NAV3: variants seen among roughly 807,000 people sequenced by gnomAD.
NAV3 encodes neuron navigator 3.
Under a neutral mutation model 244.7 loss-of-function variants are expected in NAV3, and 87 were observed. That is an observed-to-expected ratio of 0.36 (90% CI 0.30 to 0.42). NAV3 has a LOEUF of 0.42. Ranked by LOEUF, NAV3 falls within the 20% of genes least tolerant of loss-of-function variation. NAV3 has a pLI of 1.00. For synonymous variants in NAV3, 1,126 were observed against 1,042.2 expected (o/e 1.08, Z -1.55); for missense variants, 2,663 against 2,893.3 (o/e 0.92, Z 1.83).
intron 2 of NAV3, among the ~76,000 whole-genome samples, chr12:77,806,719 C>T (rs796488554): frequency 9.9e-5 from 15 of 152,166 alleles, no homozygotes; most frequent in African/African-American, 3.6e-4. Context: ...CCTGAATATC[C>T]TTGTTAATTT....
chr12:77,843,154 C>T (rs956840327), intron 1 of NAV3, among the ~76,000 whole-genome samples: 1 of 152,084 alleles, frequency 6.6e-6, no homozygotes, highest in Non-Finnish European at 1.5e-5. Context: ...GCTTTTTATA[C>T]TATTTCTTCC....
chr12:77,685,509 A>ACACACACACC (rs1358509450), intron 2 of NAV3, among the ~76,000 whole-genome samples: 1 of 150,576 alleles, frequency 6.6e-6, no homozygotes, highest in African/African-American at 2.4e-5. Flanking sequence ...ACACACACAT[A>ACACACACACC]CCCACACGCA....
At position 77,791,190 on chromosome 12, in the gene NAV3, C is replaced by T. The variant is rs1871158945; in HGVS notation, c.73-149129C>T. ...CCAATATGGTGAAACCCCGTCTCTA[C>T]TAAAAATACAAAAATTAGCCAGGCA... On this transcript the variant is annotated intron_variant, in intron 2 of 8. Coordinates refer to the NAV3 transcript ENST00000550042. 2.0e-5 allele frequency among the ~76,000 whole-genome samples: 3 copies of T among 151,956 alleles called. No individual in the cohort carries two copies. The South Asian group carries it at 6.2e-4, about 32-fold the overall frequency.
chr12:78,090,218 A>C (rs1036278652), intron 12 of NAV3, among the ~76,000 whole-genome samples: 2 of 148,142 alleles, frequency 1.4e-5, no homozygotes, highest in African/African-American at 4.9e-5. Context: ...TGAATTATAC[A>C]TATATAAAGT....
At chr12:77,797,260 G>A (rs1474450432) in intron 2 of NAV3, among the ~76,000 whole-genome samples, 1 of 152,040 alleles carries the variant, frequency 6.6e-6, no homozygotes, top group Non-Finnish European at 1.5e-5. Flanking sequence ...AGCTCAAATT[G>A]CCCAGCTACC....
chr12:77,903,552 C>T (rs1395565815), intron 1 of NAV3, among the ~76,000 whole-genome samples: 11 of 152,132 alleles, frequency 7.2e-5, no homozygotes, highest in Admixed American at 7.2e-4. Flanking sequence ...TAGAAGAAAA[C>T]CTAGGCAACA....
intron 33 of NAV3, 75 bp downstream of exon 33, chr12:78,188,852 G>A (rs2139860020): frequency 7.0e-7 from 1 of 1,419,480 alleles, no homozygotes; most frequent in East Asian, 2.3e-5. Flanking sequence ...GCCCCTTTTT[G>A]GCCAGTTTCC....
At chr12:77,716,269 TA>T (rs1241735357) in intron 2 of NAV3, among the ~76,000 whole-genome samples, 2 of 151,162 alleles carry the variant, frequency 1.3e-5, no homozygotes, top group African/African-American at 4.9e-5. Flanking sequence ...TCCAGAAAAG[TA>T]ATAGCAAGTT....
At chr12:77,633,847 A>G (rs1206021627) in intron 2 of NAV3, among the ~76,000 whole-genome samples, 1 of 152,136 alleles carries the variant, frequency 6.6e-6, no homozygotes, top group Non-Finnish European at 1.5e-5. Context: ...GCTAATTAAA[A>G]TTGCATCGAA....
At chr12:77,873,744 G>GTGTGTGTGTGTATATATATATATATA (rs776225440) in intron 1 of NAV3, among the ~76,000 whole-genome samples, 3 of 73,176 alleles carry the variant, frequency 4.1e-5, no homozygotes, top group Non-Finnish European at 8.7e-5. Context: ...ATGTGTGTGT[G>GTGTGTGTGTGTATATATATATATATA]TATATATATA....
At chr12:78,019,220 TG>T (rs1416250711) in intron 8 of NAV3, among the ~76,000 whole-genome samples, 7 of 152,278 alleles carry the variant, frequency 4.6e-5, no homozygotes, top group African/African-American at 1.7e-4. Flanking sequence ...TGATTAGTGA[TG>T]GGGTCAAGTT....
Position 78,103,469 on chromosome 12 carries a change from G to T in NAV3, c.2637-13303G>T, listed in dbSNP as rs181978149. ...TGTCTTCTTCTGAGCCCTCCAAATT[G>T]TTCCAGCCTCTGCCTGATACACAGT... is the stretch of plus-strand genomic sequence containing the variant. On this transcript the variant is annotated intron_variant, in intron 12 of 39. Transcript: ENST00000397909. Among the ~76,000 whole-genome samples, 135 of 152,194 alleles carry T rather than the reference G, an allele frequency of 8.9e-4. 1 individual carries two copies. Among genetic ancestry groups the T allele is most frequent in the African/African-American group, 2.5e-3 (105 of 41,518 alleles).
At chr12:78,036,812 G>A in intron 9 of NAV3, 1 of 630,074 alleles carries the variant, frequency 1.6e-6, no homozygotes, top group East Asian at 2.7e-5. Context: ...CAATCACAGT[G>A]TAACAAGACA....
At chr12:77,933,788 G>A (rs1205738101) in intron 1 of NAV3, among the ~76,000 whole-genome samples, 1 of 152,164 alleles carries the variant, frequency 6.6e-6, no homozygotes, top group African/African-American at 2.4e-5. Flanking sequence ...GGTCATATCA[G>A]TTCTGTAACA....
intron 9 of NAV3, 69 bp downstream of exon 9, chr12:78,021,931 T>C (rs1444503703): frequency 3.1e-5 from 29 of 926,090 alleles, no homozygotes; most frequent in Non-Finnish European, 4.7e-5. Context: ...GACTTTTTAT[T>C]AAATCATATA....
chr12:78,064,081 A>G (rs1884666048), intron 12 of NAV3, among the ~76,000 whole-genome samples: 1 of 152,170 alleles, frequency 6.6e-6, no homozygotes, highest in African/African-American at 2.4e-5. Context: ...GAAAGTGACT[A>G]AAATAAATTA....
intron 2 of NAV3, among the ~76,000 whole-genome samples, chr12:77,650,554 T>A (rs1872778599): frequency 6.6e-6 from 1 of 152,202 alleles, no homozygotes; most frequent in African/African-American, 2.4e-5. Flanking sequence ...TGTAAAAATC[T>A]GATGCAGAAA....
intron 2 of NAV3, among the ~76,000 whole-genome samples, chr12:77,688,858 C>T (rs952559103): frequency 1.6e-4 from 24 of 151,390 alleles, no homozygotes; most frequent in Admixed American, 1.3e-4. Context: ...AACAGTGTGC[C>T]GCATGATTTA....
intron 23 of NAV3, among the ~76,000 whole-genome samples, chr12:78,166,126 A>G (rs1330295970): frequency 6.6e-6 from 1 of 151,972 alleles, no homozygotes; most frequent in Non-Finnish European, 1.5e-5. Context: ...TCAACAACTA[A>G]ACAAACTACA....
Sources: gnomAD v4.1 joint callset for allele counts (sites outside exome capture counted in the v4.1 genomes callset) on GRCh38, gnomAD v4.1.1 for gene constraint, MANE v1.5 for transcripts, NCBI Gene and HGNC (gene_info 2026-07-23, HGNC 2026-07-21) for gene names.